The following NTM variants were observed in gnomAD, a reference collection of about 807,000 sequenced individuals.
The protein encoded by NTM is neurotrimin, also known as IgLON family member 2.
NTM carries 13 observed loss-of-function variants against 42.1 expected under a neutral mutation model. The observed-to-expected ratio is 0.31, with a 90% CI of 0.20 to 0.49. The LOEUF (loss-of-function observed/expected upper bound fraction) is 0.49, where lower values mean the gene tolerates loss of function less well. Among genes scored for constraint, NTM ranks in the 20% least tolerant of loss-of-function variants. The probability of loss-of-function intolerance (pLI) is 0.99; values close to 1 mark genes in which losing one functional copy is unlikely to be tolerated. For missense variants in NTM, 373 were observed against 452.8 expected (o/e 0.82, Z 1.60); for synonymous variants, 187 against 179.2 (o/e 1.04, Z -0.35).
intron 1 of NTM, among the ~76,000 whole-genome samples, chr11:131,643,832 T>C (rs1373022166): frequency 6.6e-6 from 1 of 152,272 alleles, no homozygotes; most frequent in African/African-American, 2.4e-5. Context: ...AACTCAGTAC[T>C]GTGAGAGAGT....
chr11:131,605,940 A>G (rs934405914), intron 1 of NTM: 1 of 923,616 alleles, frequency 1.1e-6, no homozygotes, highest in Non-Finnish European at 1.3e-6. Flanking sequence ...CTTATTTAAA[A>G]TTGTAAATAT....
At chr11:131,771,219 A>G (rs2086038432) in intron 1 of NTM, 1 of 152,138 alleles carries the variant, frequency 6.6e-6, no homozygotes, top group African/African-American at 2.4e-5. Flanking sequence ...TTTATCAATT[A>G]TGTTATTCTT....
chr11:132,120,346 G>A (rs1445189578), intron 2 of NTM, among the ~76,000 whole-genome samples: 1 of 152,108 alleles, frequency 6.6e-6, no homozygotes, highest in Non-Finnish European at 1.5e-5. Flanking sequence ...GAAATTTGAA[G>A]AAGAGAAAAG....
At chr11:131,859,276 G>GA (rs1417137487) in intron 1 of NTM, among the ~76,000 whole-genome samples, 3 of 152,244 alleles carry the variant, frequency 2.0e-5, no homozygotes, top group South Asian at 4.2e-4. Flanking sequence ...CTGACCAGTA[G>GA]AAAAAATAAA....
chr11:131,709,586 G>A (rs1367287920), intron 1 of NTM, among the ~76,000 whole-genome samples: 1 of 152,206 alleles, frequency 6.6e-6, no homozygotes, highest in Non-Finnish European at 1.5e-5. Context: ...TAACAGAGAT[G>A]AGGATAACCT....
At chr11:131,691,423 G>C (rs954826281) in intron 1 of NTM, among the ~76,000 whole-genome samples, 1 of 152,216 alleles carries the variant, frequency 6.6e-6, no homozygotes, top group African/African-American at 2.4e-5. Context: ...GTCACGAGGA[G>C]CTCCGGGTCC....
chr11:132,320,604 T>C (rs916752939), intron 7 of NTM, among the ~76,000 whole-genome samples: 94 of 151,168 alleles, frequency 6.2e-4, no homozygotes, highest in Admixed American at 2.7e-3. Flanking sequence ...GGGGGAGGGG[T>C]GCCCGCCATT....
intron 2 of NTM, among the ~76,000 whole-genome samples, chr11:132,139,220 C>T (rs1275419743): frequency 6.6e-6 from 1 of 152,178 alleles, no homozygotes; most frequent in Non-Finnish European, 1.5e-5. Flanking sequence ...GCTCCACTGT[C>T]TGTGGCTCTA....
At chr11:131,866,107 A>C (rs960616178) in intron 1 of NTM, among the ~76,000 whole-genome samples, 2 of 151,136 alleles carry the variant, frequency 1.3e-5, no homozygotes, top group Non-Finnish European at 2.9e-5. Context: ...ACACACACAC[A>C]TGCTGCACAC....
chr11:132,170,275 A>G (rs1018132709), intron 3 of NTM, among the ~76,000 whole-genome samples: 1 of 152,244 alleles, frequency 6.6e-6, no homozygotes, highest in Non-Finnish European at 1.5e-5. Context: ...GGTCATGGGG[A>G]TTCCAGATCA....
intron 1 of NTM, among the ~76,000 whole-genome samples, chr11:131,688,531 G>C (rs888500860): frequency 2.6e-5 from 4 of 152,228 alleles, no homozygotes; most frequent in Non-Finnish European, 5.9e-5. Context: ...CCCTCCGCCT[G>C]CTGCTCCCAG....
chr11:132,168,498 A>C (rs955277060), intron 3 of NTM, among the ~76,000 whole-genome samples: 1 of 152,224 alleles, frequency 6.6e-6, no homozygotes, highest in African/African-American at 2.4e-5. Flanking sequence ...AATTGTCTGC[A>C]TGCCAGATTC....
chr11:132,032,827 C>A (rs2076089249), intron 2 of NTM, among the ~76,000 whole-genome samples: 1 of 152,214 alleles, frequency 6.6e-6, no homozygotes, highest in Non-Finnish European at 1.5e-5. Context: ...ATTCACATCT[C>A]ATCATATTAT....
intron 1 of NTM, among the ~76,000 whole-genome samples, chr11:131,511,201 G>T (rs2048192584): frequency 1.3e-5 from 2 of 152,212 alleles, no homozygotes; most frequent in South Asian, 4.1e-4. Flanking sequence ...AGAGGCATCT[G>T]AGCAGGGAAG....
intron 1 of NTM, among the ~76,000 whole-genome samples, chr11:131,520,237 G>T (rs572921765): frequency 1.2e-4 from 18 of 152,120 alleles, no homozygotes; most frequent in Admixed American, 3.3e-4. Flanking sequence ...GCACATGGAG[G>T]CATAGTTCTA....
At chr11:132,281,620 G>T (rs999312125) in intron 4 of NTM, among the ~76,000 whole-genome samples, 5 of 152,156 alleles carry the variant, frequency 3.3e-5, no homozygotes, top group Admixed American at 3.3e-4. Context: ...GAAGTCTGAT[G>T]CCCAGAAATT....
chr11:131,481,391 A>G (rs1262260629), intron 1 of NTM, among the ~76,000 whole-genome samples: 4 of 152,190 alleles, frequency 2.6e-5, no homozygotes, highest in African/African-American at 9.7e-5. Flanking sequence ...AGGCTTGGAG[A>G]AGGTGAGTCA....
intron 1 of NTM, among the ~76,000 whole-genome samples, chr11:131,874,182 G>A (rs2048267531): frequency 6.7e-6 from 1 of 150,302 alleles, no homozygotes; most frequent in African/African-American, 2.4e-5. Flanking sequence ...TCTGGAAAGA[G>A]GTAGGTTGGG....
At chr11:131,589,112 A>G (rs1384064043) in intron 1 of NTM, among the ~76,000 whole-genome samples, 1 of 151,828 alleles carries the variant, frequency 6.6e-6, no homozygotes, top group East Asian at 1.9e-4. Flanking sequence ...TTAGTATTTA[A>G]GTGAGATTAA....
Sources: allele counts gnomAD v4.1 joint callset (sites outside exome capture counted in the v4.1 genomes callset), GRCh38; gene constraint gnomAD v4.1.1; transcripts MANE v1.5; gene names NCBI Gene and HGNC (gene_info 2026-07-23, HGNC 2026-07-21).